The following CACNA1H variants were observed in gnomAD, a reference collection of about 807,000 sequenced individuals.
CACNA1H encodes voltage-dependent T-type calcium channel subunit alpha-1H.
A neutral mutation model predicts 192.5 loss-of-function variants in CACNA1H; 149 were observed. The observed-to-expected ratio is 0.77, with a 90% confidence interval of 0.68 to 0.89. The LOEUF (loss-of-function observed/expected upper bound fraction) is 0.89, where lower values mean the gene tolerates loss of function less well. CACNA1H is among the 40% of genes least tolerant of loss of function. The pLI is 0.00. For missense variants in CACNA1H, 4,257 were observed against 3,423.5 expected (o/e 1.24, Z -6.08); for synonymous variants, 2,202 against 1,475.2 (o/e 1.49, Z -11.29).
chr16:1,179,381 C>A (rs1015432074), intron 2 of CACNA1H, among the ~76,000 whole-genome samples: 4 of 152,132 alleles, frequency 2.6e-5, no homozygotes, highest in African/African-American at 9.7e-5. Context: ...GACTCTCCTG[C>A]CCCCGCGAGG....
At position 1,221,715 on chromosome 16, in the gene CACNA1H, T is replaced by G. The variant is rs1970492295; in HGVS notation, c.*721T>G. Reference sequence around the variant, plus strand: ...ATAATCTGATGCAGAAGACTCAGCTTCTCAAGGGAGAGGGAGGGGGCGGAG... The same window carrying G: ...ATAATCTGATGCAGAAGACTCAGCTGCTCAAGGGAGAGGGAGGGGGCGGAG... On this transcript the variant is annotated 3_prime_UTR_variant, in exon 35 of 35. Transcript: ENST00000348261. The G allele has an allele frequency of 2.1e-6, 3 of 1,395,470 alleles. No individual in the cohort carries two copies. The highest frequency in any genetic ancestry group is 2.9e-5 in the African/African-American group (2 of 69,812). 86.4% of individuals were successfully genotyped at this position (1,395,470 alleles called of 1,614,324 possible).
rs1356449722 is a variant in CACNA1H at position 1,206,187 on chromosome 16, G to A, written c.2687G>A (p.Arg896His). 18 of 1,591,030 alleles carry A rather than the reference G, an allele frequency of 1.1e-5. No homozygotes were observed. The highest frequency in any genetic ancestry group is 2.3e-5 in the South Asian group (2 of 86,910). The change falls in exon 12 of 35, where the codon CGC (arginine) becomes CAC (histidine). Residue 896 changes from arginine to histidine, a missense_variant. Coordinates refer to ENST00000348261, the MANE Select transcript of CACNA1H (RefSeq NM_021098.3). ...CTGCTGCGTGTGCTGAAGCTGGTGC[G>A]CTTTCTGCCAGCCCTGCGGCGCCAG... is the stretch of plus-strand genomic sequence containing the variant. ...FRLLRVLKLVRFLPALRRQLV... is the reference protein window; with the variant it reads ...FRLLRVLKLVHFLPALRRQLV...
In CACNA1H at chr16:1,153,829, A is replaced by G; in HGVS notation, c.92A>G (p.Glu31Gly). The change falls in exon 2 of 35, where the codon GAG (glutamate) becomes GGG (glycine). Residue 31 changes from glutamate (E) to glycine (G), a missense_variant. Coordinates refer to ENST00000348261, the MANE Select transcript of CACNA1H (RefSeq NM_021098.3). ...GPAALVGASP[E>G]SPGAPGREAE... ...GCGGCGTTGGTGGGGGCGTCCCCGG[A>G]GAGCCCCGGGGCGCCGGGACGCGAG... 4 of 1,287,598 alleles carry G rather than the reference A, an allele frequency of 3.1e-6. No individual in the cohort carries two copies. The highest frequency in any genetic ancestry group is 3.9e-6 in the Non-Finnish European group (4 of 1,019,260). 79.8% of individuals were successfully genotyped at this position (1,287,598 alleles called of 1,614,324 possible).
At position 1,198,374 on chromosome 16, in the gene CACNA1H, G is replaced by C. The variant is rs34569984; in HGVS notation, c.644-241G>C. On this transcript the variant is annotated intron_variant, in intron 5 of 34. Coordinates refer to ENST00000348261, the MANE Select transcript of CACNA1H (RefSeq NM_021098.3). The stretch of plus-strand genomic sequence containing the variant: ...GTTGGAGGTGGAGACCTGGCGCCCC[G>C]CTGGATGCACGTCAGACCCCAGGGT... Among the ~76,000 whole-genome samples the C allele has an allele frequency of 0.22, 33,426 of 152,128 alleles. 4,055 individuals carry two copies. The highest frequency in any genetic ancestry group is 0.28 in the Non-Finnish European group (18,745 of 67,954).
rs1286988372 is a variant in CACNA1H at position 1,207,074 on chromosome 16, A to C, written c.2863A>C (p.Lys955Gln). The C allele has an allele frequency of 6.2e-7, 1 of 1,602,116 alleles. No homozygotes were observed. Among genetic ancestry groups the C allele is most frequent in the Non-Finnish European group, 8.5e-7 (1 of 1,174,366 alleles). ...CACCGGAGACACCGTGCCTGACAGG[A>C]AGAACTTCGACTCCCTGCTGTGGGC... ...TDTGDTVPDR[K>Q]NFDSLLWAIV... Residue 955 changes from lysine to glutamine, a missense_variant, in exon 13 of 35, where the codon AAG becomes CAG. Lys to Gln is a moderately conservative substitution (Grantham distance 53). Transcript: ENST00000348261.
At chr16:1,214,424 G>A (rs1034480248) in intron 27 of CACNA1H, among the ~76,000 whole-genome samples, 8 of 152,310 alleles carry the variant, frequency 5.3e-5, no homozygotes, top group African/African-American at 1.9e-4. Context: ...GAGGATGGCC[G>A]TGGCCAGAGG....
rs1057521046 is a variant in CACNA1H, at chr16:1,195,506, G to T, written c.486G>T (p.Gly162=). ...AGATGGTGGCCTTGGGGCTGTTCGG[G>T]CAGAAGTGTTACCTGGGTGACACGT... ...VIKMVALGLF[G]QKCYLGDTWN... is the part of the protein sequence containing the mutation. Residue 162 remains glycine, a synonymous_variant, in exon 4 of 35, where the codon GGG becomes GGT. Transcript: ENST00000348261. The T allele has an allele frequency of 1.2e-6, 2 of 1,601,758 alleles. No individual in the cohort carries two copies. The highest frequency in any genetic ancestry group is 1.7e-6 in the Non-Finnish European group (2 of 1,174,378).
chr16:1,166,627 C>G (rs544566413), intron 2 of CACNA1H, among the ~76,000 whole-genome samples: 1 of 152,238 alleles, frequency 6.6e-6, no homozygotes, highest in South Asian at 2.1e-4. Flanking sequence ...CTCGGCGTCT[C>G]CCGCTGGCCT....
At chr16:1,162,151 T>C (rs1963268929) in intron 2 of CACNA1H, among the ~76,000 whole-genome samples, 1 of 152,082 alleles carries the variant, frequency 6.6e-6, no homozygotes, top group African/African-American at 2.4e-5. Flanking sequence ...CCATGGGTGA[T>C]GCAGGACATG....
chr16:1,159,311 G>T (rs1474962677), intron 2 of CACNA1H, among the ~76,000 whole-genome samples: 2 of 151,764 alleles, frequency 1.3e-5, no homozygotes, highest in African/African-American at 2.4e-5. Context: ...GGGCACAGGA[G>T]CCTGTGCGGG....
rs143903833 is a variant in CACNA1H at position 1,181,050 on chromosome 16, C to T, written c.300-13922C>T. On this transcript the variant is annotated intron_variant, in intron 2 of 34. Transcript: ENST00000348261. ...CTGGGGTGGTCTCTAATTTGGGCCACGGCAGCTGTGCAGTGGCGCTCAGGC... is the reference window on the plus strand; with the variant it reads ...CTGGGGTGGTCTCTAATTTGGGCCATGGCAGCTGTGCAGTGGCGCTCAGGC... Among the ~76,000 whole-genome samples the T allele has an allele frequency of 1.2e-3, 176 of 152,344 alleles. 1 individual carries two copies. Among genetic ancestry groups the T allele is most frequent in the Admixed American group, 6.7e-3 (102 of 15,312 alleles).
At chr16:1,216,282 G>T (rs145815108) in intron 30 of CACNA1H, among the ~76,000 whole-genome samples, 2 of 152,314 alleles carry the variant, frequency 1.3e-5, no homozygotes, top group East Asian at 3.9e-4. Flanking sequence ...CCTCAGCGGC[G>T]TGCCTAGCTT....
intron 2 of CACNA1H, among the ~76,000 whole-genome samples, chr16:1,163,632 C>G (rs1376938066): frequency 6.6e-6 from 1 of 152,240 alleles, no homozygotes; most frequent in Non-Finnish European, 1.5e-5. Flanking sequence ...GATGAGTCAG[C>G]CTGCATTAGC....
At chr16:1,185,736 A>G (rs1352522579) in intron 2 of CACNA1H, among the ~76,000 whole-genome samples, 2 of 298 alleles carry the variant, frequency 6.7e-3, no homozygotes, top group African/African-American at 0.019. Flanking sequence ...CGGGGTGTGT[A>G]CGTGGGCAGG....
chr16:1,174,223 C>T (rs530511051), intron 2 of CACNA1H, among the ~76,000 whole-genome samples: 4 of 152,264 alleles, frequency 2.6e-5, no homozygotes, highest in Admixed American at 6.5e-5. Context: ...TCATGGCACC[C>T]GGCTGAAGTC....
chr16:1,181,888 C>T (rs541870136), intron 2 of CACNA1H, among the ~76,000 whole-genome samples: 1 of 152,304 alleles, frequency 6.6e-6, no homozygotes, highest in South Asian at 2.1e-4. Flanking sequence ...CTCAGGTCCC[C>T]ACACTGCCCT....
In CACNA1H at chr16:1,165,467, G is replaced by A. The variant is rs147523372; in HGVS notation, c.299+11431G>A. On this transcript the variant is annotated intron_variant, in intron 2 of 34. Coordinates refer to ENST00000348261, the MANE Select transcript of CACNA1H (RefSeq NM_021098.3). ...ATGAGGCCTATGGTCTCAGGGAGCC[G>A]CGTGGGCCGAGCCCCCGTCCTGCGC... is the stretch of plus-strand genomic sequence containing the variant. Among the ~76,000 whole-genome samples the A allele has an allele frequency of 3.9e-4, 59 of 152,306 alleles. No individual in the cohort carries two copies. In the East Asian group the frequency reaches 9.3e-3, roughly 24 times the overall value.
intron 2 of CACNA1H, among the ~76,000 whole-genome samples, chr16:1,161,570 G>A (rs1189315730): frequency 6.6e-6 from 1 of 152,194 alleles, no homozygotes; most frequent in Admixed American, 6.5e-5. Context: ...CACAGGAGGG[G>A]GGCTAGCGAC....
intron 2 of CACNA1H, among the ~76,000 whole-genome samples, chr16:1,158,235 C>T (rs1445758259): frequency 1.3e-5 from 2 of 152,160 alleles, no homozygotes; most frequent in Non-Finnish European, 2.9e-5. Context: ...GAAGCAGAGA[C>T]ACAGATGGGG....
Sources: gnomAD v4.1 joint callset for allele counts (sites outside exome capture counted in the v4.1 genomes callset) on GRCh38, gnomAD v4.1.1 for gene constraint, MANE v1.5 for transcripts, NCBI Gene and HGNC (gene_info 2026-07-23, HGNC 2026-07-21) for gene names.